The following FARP1 variants were observed in gnomAD, a reference collection of about 807,000 sequenced individuals.
FARP1 encodes the protein FERM, ARHGEF and pleckstrin domain-containing protein 1.
In FARP1, 52 loss-of-function variants were observed where a neutral mutation model predicts 128.8. The observed-to-expected ratio is 0.40, with a 90% CI of 0.32 to 0.51. The LOEUF is 0.51. Among genes scored for constraint, FARP1 ranks in the 20% least tolerant of loss-of-function variants. The pLI, the probability that FARP1 is intolerant of heterozygous loss-of-function variation, is 0.45. For missense variants in FARP1, 1,333 were observed against 1,367.9 expected (o/e 0.97, Z 0.40); for synonymous variants, 580 against 551.8 (o/e 1.05, Z -0.72).
intron 1 of FARP1, among the ~76,000 whole-genome samples, chr13:98,209,677 A>T (rs144012873): frequency 0.015 from 2,201 of 150,484 alleles, 48 homozygotes; most frequent in African/African-American, 0.052. Flanking sequence ...TGCGCCTGTG[A>T]TCCCAGCTAC....
At chr13:98,183,170 G>A (rs1029990666) in intron 1 of FARP1, among the ~76,000 whole-genome samples, 6 of 152,156 alleles carry the variant, frequency 3.9e-5, no homozygotes, top group South Asian at 2.1e-4. Context: ...TGTCCCTCTT[G>A]TTGTTCCTTT....
At chr13:98,279,160 A>T (rs2247972) in intron 2 of FARP1, among the ~76,000 whole-genome samples, 137,700 of 152,236 alleles carry the variant, frequency 0.9, 62,359 homozygotes, top group South Asian at 0.95. Context: ...TAATCCAGAT[A>T]GGCAGCATGC....
At chr13:98,418,545 T>G (rs1891475698) in intron 16 of FARP1, among the ~76,000 whole-genome samples, 1 of 152,240 alleles carries the variant, frequency 6.6e-6, no homozygotes, top group African/African-American at 2.4e-5. Context: ...AGTGTTGGGA[T>G]TACAGGCGTT....
chr13:98,198,767 A>G (rs576772482), intron 1 of FARP1, among the ~76,000 whole-genome samples: 1 of 151,406 alleles, frequency 6.6e-6, no homozygotes, highest in South Asian at 2.1e-4. Flanking sequence ...AATCCCAGGT[A>G]CTAAGGAGGC....
chr13:98,265,195 T>C (rs1366672131), intron 2 of FARP1, among the ~76,000 whole-genome samples: 1 of 152,244 alleles, frequency 6.6e-6, no homozygotes, highest in African/African-American at 2.4e-5. Context: ...TGTGGTGTCT[T>C]GACTCCCTGG....
At chr13:98,445,967 C>A (rs546085691) in intron 24 of FARP1, 131 bp from the exon 25 acceptor site, 3 of 618,216 alleles carry the variant, frequency 4.9e-6, no homozygotes, top group East Asian at 5.6e-5. Context: ...CACGGGGGAG[C>A]GGGGGTGGGG....
rs1893261115 is a variant in FARP1 at position 98,452,838 on chromosome 13, A to G, written c.*4521A>G. 2.6e-5 allele frequency: 6 copies of G among 233,726 alleles called. No homozygotes were observed. In the Admixed American group the frequency reaches 2.6e-4, roughly 10 times the overall value. The allele number at this position is 233,726 out of a possible 1,614,324, so 14.5% of individuals were successfully genotyped here. ...GAGGTTTCATGTCTTTAGTTGCCTTATCATAATCCCAAATATACATTTCAG... is the reference window on the plus strand; with the variant it reads ...GAGGTTTCATGTCTTTAGTTGCCTTGTCATAATCCCAAATATACATTTCAG... On this transcript the variant is annotated 3_prime_UTR_variant, in exon 27 of 27. Transcript: ENST00000319562.
chr13:98,396,465 GTGAGGAACAGGAGGAGGA>G (rs1852917252), intron 13 of FARP1: 1 of 382,202 alleles, frequency 2.6e-6, no homozygotes, highest in African/African-American at 2.1e-5. Context: ...AGGAGGATGA[GTGAGGAACAGGAGGAGGA>G]TGAGTGAGGA....
At chr13:98,243,226 T>A (rs1256944171) in intron 2 of FARP1, among the ~76,000 whole-genome samples, 1 of 152,162 alleles carries the variant, frequency 6.6e-6, no homozygotes, top group Non-Finnish European at 1.5e-5. Flanking sequence ...AGATTTGGGC[T>A]TTGGTTTTGA....
intron 2 of FARP1, among the ~76,000 whole-genome samples, chr13:98,264,021 T>C (rs77445669): frequency 0.011 from 1,663 of 152,316 alleles, 23 homozygotes; most frequent in African/African-American, 0.038. Context: ...TCACCATTCA[T>C]TGAGCCCCAA....
intron 18 of FARP1, 147 bp downstream of exon 18, chr13:98,431,427 T>G: frequency 5.2e-6 from 3 of 575,808 alleles, no homozygotes; most frequent in Non-Finnish European, 9.2e-6. Context: ...GGGCGCCGGT[T>G]TTTATTCCTG....
At chr13:98,220,893 G>T (rs1239513347) in intron 2 of FARP1, among the ~76,000 whole-genome samples, 2 of 151,958 alleles carry the variant, frequency 1.3e-5, no homozygotes, top group Admixed American at 6.6e-5. Flanking sequence ...CTAATTAAAA[G>T]AATAAACTAA....
chr13:98,233,064 TGG>T (rs1170340514), intron 2 of FARP1, among the ~76,000 whole-genome samples: 1 of 152,088 alleles, frequency 6.6e-6, no homozygotes, highest in African/African-American at 2.4e-5. Flanking sequence ...TCCAGCTCAG[TGG>T]GTAGGTTTTT....
intron 2 of FARP1, among the ~76,000 whole-genome samples, chr13:98,258,430 G>A (rs1026329908): frequency 1.3e-5 from 2 of 152,166 alleles, no homozygotes; most frequent in Non-Finnish European, 1.5e-5. Flanking sequence ...ATATCAAAAT[G>A]TCCTGGTAAT....
At chr13:98,150,164 G>T (rs113031920) in intron 1 of FARP1, among the ~76,000 whole-genome samples, 2 of 152,106 alleles carry the variant, frequency 1.3e-5, no homozygotes, top group African/African-American at 4.8e-5. Flanking sequence ...TCAGCCTCCC[G>T]AGTAGCTGAG....
intron 3 of FARP1, among the ~76,000 whole-genome samples, chr13:98,351,738 G>T (rs967993758): frequency 6.6e-6 from 1 of 152,092 alleles, no homozygotes. Flanking sequence ...AGGAACAGGC[G>T]TGTCATGCTG....
intron 10 of FARP1, 118 bp downstream of exon 10, chr13:98,390,238 A>G: frequency 2.6e-6 from 3 of 1,135,172 alleles, no homozygotes; most frequent in Non-Finnish European, 3.8e-6. Context: ...TCCAGGAGCT[A>G]TGGCCAAGCG....
chr13:98,264,359 G>T (rs143989255), intron 2 of FARP1, among the ~76,000 whole-genome samples: 1 of 152,204 alleles, frequency 6.6e-6, no homozygotes, highest in African/African-American at 2.4e-5. Context: ...TCTGAGCAGC[G>T]TGATGGACTC....
chr13:98,209,122 C>T (rs1219020618), intron 1 of FARP1, among the ~76,000 whole-genome samples: 1 of 152,170 alleles, frequency 6.6e-6, no homozygotes, highest in Admixed American at 6.5e-5. Context: ...CATTCTCCTG[C>T]CTCAGCCTCC....
Sources: allele counts gnomAD v4.1 joint callset (sites outside exome capture counted in the v4.1 genomes callset), GRCh38; gene constraint gnomAD v4.1.1; transcripts MANE v1.5; gene names NCBI Gene and HGNC (gene_info 2026-07-23, HGNC 2026-07-21).